The following UEVLD variants were observed in gnomAD, a reference collection of about 807,000 sequenced individuals.
UEVLD encodes UEV and lactate/malate dehyrogenase domains.
A neutral mutation model predicts 58.6 loss-of-function variants in UEVLD; 47 were observed. The observed-to-expected ratio is 0.80, with a 90% CI of 0.63 to 1.02. The LOEUF is 1.02. UEVLD is among the 50% of genes least tolerant of loss of function. The pLI is 0.00. For synonymous variants in UEVLD, 197 were observed against 195.3 expected, an observed-to-expected ratio of 1.01 and a Z score of -0.07; for missense variants, 510 against 550.6, an observed-to-expected ratio of 0.93 and a Z score of 0.74.
At chr11:18,588,548 C>A in intron 1 of UEVLD, 65 bp downstream of exon 1, 2 of 1,578,218 alleles carry the variant, frequency 1.3e-6, no homozygotes, top group Non-Finnish European at 1.7e-6. Flanking sequence ...GGCAACCTGG[C>A]CAAAGGCAGA....
chr11:18,578,048 A>T (rs1276565176), intron 2 of UEVLD, among the ~76,000 whole-genome samples: 1 of 152,174 alleles, frequency 6.6e-6, no homozygotes, highest in African/African-American at 2.4e-5. Context: ...TAACCCTTGG[A>T]ACCTGTGAAT....
At chr11:18,533,157 T>G (rs1288111818) in intron 11 of UEVLD, among the ~76,000 whole-genome samples, 2 of 151,818 alleles carry the variant, frequency 1.3e-5, no homozygotes, top group East Asian at 3.9e-4. Context: ...CCTCCCAAAG[T>G]GCTGGGATTA....
chr11:18,565,883 G>T (rs1474655354), intron 5 of UEVLD, among the ~76,000 whole-genome samples: 1 of 149,366 alleles, frequency 6.7e-6, no homozygotes, highest in Non-Finnish European at 1.5e-5. Context: ...TAAAGGCAAA[G>T]GAATTACTTT....
chr11:18,534,386 C>T lies in UEVLD; in HGVS notation c.1192G>A (p.Val398Ile), dbSNP rs780873986. 1.3e-6 allele frequency: 2 copies of T among 1,578,472 alleles called. No homozygotes were observed. ...TTCTTATTGTTTACAATACTGTCAA[C>T]CATGTCAGCTACTGATAGTCCAACA... ...WSVGLSVADM[V>I]DSIVNNKKKV... is the part of the protein sequence containing the mutation. Residue 398 changes from valine to isoleucine, a missense_variant, in exon 11 of 12, where the codon GTT (valine) becomes ATT (isoleucine). By Grantham distance (29) the Val-to-Ile change is conservative (BLOSUM62 3). Coordinates refer to ENST00000396197, the MANE Select transcript of UEVLD (RefSeq NM_001040697.4).
rs531014656 is a variant in UEVLD at position 18,583,058 on chromosome 11, G to A, written c.43-4250C>T. ...CTGCCTCAGCCTCCCGAGTAGCTGGGATTACAGATGCGCATCACCACACCT... is the reference window on the plus strand; with the variant it reads ...CTGCCTCAGCCTCCCGAGTAGCTGGAATTACAGATGCGCATCACCACACCT... On this transcript the variant is annotated intron_variant, in intron 1 of 11. Coordinates refer to ENST00000396197, the MANE Select transcript of UEVLD (RefSeq NM_001040697.4). Among the ~76,000 whole-genome samples, 3 of 151,972 alleles carry A rather than the reference G, an allele frequency of 2.0e-5. No homozygotes were observed. In the South Asian group the frequency reaches 6.2e-4, roughly 32 times the overall value.
intron 8 of UEVLD, 86 bp downstream of exon 8, chr11:18,546,794 G>T: frequency 6.8e-7 from 1 of 1,478,518 alleles, no homozygotes; most frequent in Non-Finnish European, 9.2e-7. Context: ...ACTGTGCCAG[G>T]CCCTAAAGTT....
At chr11:18,588,396 G>A (rs1590387404) in intron 1 of UEVLD, among the ~76,000 whole-genome samples, 1 of 152,190 alleles carries the variant, frequency 6.6e-6, no homozygotes, top group Non-Finnish European at 1.5e-5. Flanking sequence ...CTCGCACCAG[G>A]TGGAGGTTGG....
At chr11:18,565,991 C>T (rs568356875) in intron 5 of UEVLD, among the ~76,000 whole-genome samples, 11 of 150,888 alleles carry the variant, frequency 7.3e-5, no homozygotes, top group South Asian at 4.2e-4. Context: ...CTCTGCCTCC[C>T]GGATTCAAGC....
At chr11:18,537,717 C>T (rs1850870163) in intron 9 of UEVLD, among the ~76,000 whole-genome samples, 1 of 151,980 alleles carries the variant, frequency 6.6e-6, no homozygotes, top group Non-Finnish European at 1.5e-5. Context: ...GGGTGGAGTG[C>T]AGTGGCACAC....
intron 6 of UEVLD, among the ~76,000 whole-genome samples, chr11:18,564,154 T>G (rs750319311): frequency 3.3e-5 from 5 of 152,212 alleles, no homozygotes; most frequent in Admixed American, 6.5e-5. Context: ...AATTATTTGC[T>G]GCAGTAGAAC....
intron 11 of UEVLD, among the ~76,000 whole-genome samples, chr11:18,532,707 A>G (rs530067689): frequency 6.6e-6 from 1 of 152,304 alleles, no homozygotes; most frequent in Non-Finnish European, 1.5e-5. Context: ...TTTTTGAGAG[A>G]TGGAAGCAAC....
At chr11:18,542,527 C>T (rs1056862277) in intron 9 of UEVLD, among the ~76,000 whole-genome samples, 1 of 152,140 alleles carries the variant, frequency 6.6e-6, no homozygotes, top group African/African-American at 2.4e-5. Context: ...TAGCCTGACT[C>T]ATTCTAGCAC....
intron 9 of UEVLD, among the ~76,000 whole-genome samples, chr11:18,541,142 C>A (rs1428925003): frequency 6.6e-6 from 1 of 152,158 alleles, no homozygotes; most frequent in Non-Finnish European, 1.5e-5. Context: ...CTTTATGAGA[C>A]TTAAGAAATT....
At chr11:18,586,734 A>G (rs918367817) in intron 1 of UEVLD, among the ~76,000 whole-genome samples, 3 of 152,172 alleles carry the variant, frequency 2.0e-5, no homozygotes, top group Non-Finnish European at 4.4e-5. Flanking sequence ...ACTGCAGTGA[A>G]TGGTCAGGAA....
intron 7 of UEVLD, among the ~76,000 whole-genome samples, chr11:18,549,475 G>A (rs1006253491): frequency 6.6e-6 from 1 of 152,150 alleles, no homozygotes; most frequent in South Asian, 2.1e-4. Flanking sequence ...GGAGTGCAGT[G>A]GTATGCAATC....
intron 9 of UEVLD, among the ~76,000 whole-genome samples, chr11:18,538,421 T>C (rs545440736): frequency 1.3e-5 from 2 of 151,562 alleles, no homozygotes; most frequent in Non-Finnish European, 2.9e-5. Flanking sequence ...GGATTACAGG[T>C]GTGCGCCTCA....
At chr11:18,576,937 C>T (rs181603712) in intron 2 of UEVLD, among the ~76,000 whole-genome samples, 6 of 152,320 alleles carry the variant, frequency 3.9e-5, no homozygotes, top group Admixed American at 3.9e-4. Context: ...AATCCCAGCA[C>T]TTTGGGAGGC....
intron 1 of UEVLD, among the ~76,000 whole-genome samples, chr11:18,585,826 G>A (rs1302398061): frequency 6.6e-6 from 1 of 152,068 alleles, no homozygotes; most frequent in African/African-American, 2.4e-5. Flanking sequence ...GGAGAGACGA[G>A]GTTTCACCAT....
At chr11:18,544,875 T>G in intron 8 of UEVLD, 79 bp from the exon 9 acceptor site, 1 of 1,117,588 alleles carries the variant, frequency 8.9e-7, no homozygotes, top group African/African-American at 1.6e-5. Flanking sequence ...TATTTATTAT[T>G]TTAATAAGTA....
Sources: allele counts gnomAD v4.1 joint callset (sites outside exome capture counted in the v4.1 genomes callset), GRCh38; gene constraint gnomAD v4.1.1; transcripts MANE v1.5; gene names NCBI Gene and HGNC (gene_info 2026-07-23, HGNC 2026-07-21).